The following TIAM2 variants were observed in gnomAD, a reference collection of about 807,000 sequenced individuals.
TIAM2 encodes the protein TIAM Rac1 associated GEF 2.
In TIAM2, 80 loss-of-function variants were observed where a neutral mutation model predicts 152.9. That is an observed-to-expected ratio of 0.52 (90% confidence interval 0.44 to 0.63). TIAM2 has a LOEUF of 0.63. Ranked by LOEUF, TIAM2 falls within the 30% of genes least tolerant of loss-of-function variation. The probability of loss-of-function intolerance (pLI) is 0.00; values close to 1 mark genes in which losing one functional copy is unlikely to be tolerated. For missense variants in TIAM2, 1,965 were observed against 2,120.1 expected (o/e 0.93, Z 1.44); for synonymous variants, 804 against 838.0 (o/e 0.96, Z 0.70).
intron 15 of TIAM2, among the ~76,000 whole-genome samples, chr6:155,220,997 C>T (rs1239072732): frequency 2.0e-5 from 3 of 151,904 alleles, no homozygotes; most frequent in African/African-American, 4.8e-5. Flanking sequence ...CTTCCACTTA[C>T]GAGACATGTG....
chr6:155,220,830 T>C (rs1042828941), intron 15 of TIAM2, among the ~76,000 whole-genome samples: 2 of 152,180 alleles, frequency 1.3e-5, no homozygotes, highest in Admixed American at 1.3e-4. Context: ...GTTTGTTACA[T>C]AGGTATACAT....
chr6:155,194,130 C>G (rs969618072), intron 14 of TIAM2, among the ~76,000 whole-genome samples: 2 of 152,082 alleles, frequency 1.3e-5, no homozygotes, highest in African/African-American at 2.4e-5. Flanking sequence ...TTTGTTAACC[C>G]CTAGGGAATG....
chr6:155,121,900 C>T (rs994363336), intron 2 of TIAM2: 3 of 152,492 alleles, frequency 2.0e-5, no homozygotes, highest in Admixed American at 1.3e-4. Context: ...TCTGCCCACC[C>T]GGAGGGTTTC....
At chr6:155,247,810 T>G (rs530879524) in intron 19 of TIAM2, among the ~76,000 whole-genome samples, 190 bp from the exon 20 acceptor site, 1 of 152,350 alleles carries the variant, frequency 6.6e-6, no homozygotes, top group South Asian at 2.1e-4. Context: ...TCCAGGGCTC[T>G]GTCAGGGCTG....
chr6:155,179,259 A>G, intron 11 of TIAM2, 116 bp downstream of exon 11: 1 of 1,416,186 alleles, frequency 7.1e-7, no homozygotes, highest in Non-Finnish European at 9.9e-7. Context: ...GTTTGGAAAC[A>G]GTCTCTATAT....
At chr6:155,023,122 A>G (rs1006600849) in intron 1 of TIAM2, among the ~76,000 whole-genome samples, 2 of 151,072 alleles carry the variant, frequency 1.3e-5, no homozygotes, top group African/African-American at 4.9e-5. Context: ...TCATTTTGAA[A>G]TCTGCAATCC....
chr6:155,081,354 A>T (rs1778057280), intron 1 of TIAM2, among the ~76,000 whole-genome samples: 1 of 151,364 alleles, frequency 6.6e-6, no homozygotes, highest in African/African-American at 2.4e-5. Context: ...CTTTCAAGGC[A>T]TTGGGAAAGG....
At chr6:155,169,456 A>T (rs1456379656) in intron 9 of TIAM2, among the ~76,000 whole-genome samples, 1 of 152,220 alleles carries the variant, frequency 6.6e-6, no homozygotes, top group Non-Finnish European at 1.5e-5. Flanking sequence ...TCCATTTTAA[A>T]ATTAGTGACA....
chr6:155,254,093 G>T lies in TIAM2; in HGVS notation c.4313+33G>T, dbSNP rs1316042122. ...TGACTTCCAAAGATTAAAACCAACAGAAATAACATAGAATTATGTCTCTTA... is the reference window on the plus strand; with the variant it reads ...TGACTTCCAAAGATTAAAACCAACATAAATAACATAGAATTATGTCTCTTA... On this transcript the variant is annotated intron_variant, in intron 25 of 26. Coordinates refer to ENST00000682666, the MANE Select transcript of TIAM2 (RefSeq NM_012454.4). 2.5e-6 allele frequency: 4 copies of T among 1,588,472 alleles called. No homozygotes were observed. In the Admixed American group the frequency reaches 5.1e-5, roughly 20 times the overall value.
At chr6:155,022,774 T>C (rs550910104) in intron 1 of TIAM2, among the ~76,000 whole-genome samples, 1 of 152,330 alleles carries the variant, frequency 6.6e-6, no homozygotes, top group South Asian at 2.1e-4. Flanking sequence ...CCTTGAGTTA[T>C]GAGAAGTTAA....
Position 155,248,199 on chromosome 6 carries a change from T to A in TIAM2, c.3832+20T>A. The stretch of plus-strand genomic sequence containing the variant: ...TGACGGGTGAGGCGGCGGCGGCACC[T>A]CCGGGCGAGGGCCTGCACAGGGCGG... On this transcript the variant is annotated intron_variant, in intron 20 of 26. Transcript: ENST00000682666. 6.2e-7 allele frequency: 1 copy of A among 1,608,468 alleles called. No individual in the cohort carries two copies. The highest frequency in any genetic ancestry group is 8.5e-7 in the Non-Finnish European group (1 of 1,178,020).
At chr6:155,144,092 G>C (rs950531497) in intron 5 of TIAM2, among the ~76,000 whole-genome samples, 2 of 152,068 alleles carry the variant, frequency 1.3e-5, no homozygotes, top group Non-Finnish European at 2.9e-5. Context: ...GCTCTCCCTC[G>C]TTCCTCTCCA....
At chr6:155,070,844 A>G (rs1777822104) in intron 1 of TIAM2, among the ~76,000 whole-genome samples, 1 of 152,028 alleles carries the variant, frequency 6.6e-6, no homozygotes, top group Admixed American at 6.5e-5. Context: ...GACTGACCCT[A>G]TTGGCTCAGC....
chr6:155,035,745 T>C (rs552579963), intron 1 of TIAM2, among the ~76,000 whole-genome samples: 2 of 152,236 alleles, frequency 1.3e-5, no homozygotes, highest in Admixed American at 1.3e-4. Flanking sequence ...ACTTGTATGT[T>C]AATGAAAACA....
chr6:155,051,705 C>A (rs1272532328), intron 1 of TIAM2, among the ~76,000 whole-genome samples: 1 of 151,948 alleles, frequency 6.6e-6, no homozygotes, highest in African/African-American at 2.4e-5. Context: ...AGTGCAATGG[C>A]ACAACCTTGG....
At chr6:155,142,227 A>G (rs1332140579) in intron 5 of TIAM2, among the ~76,000 whole-genome samples, 2 of 152,238 alleles carry the variant, frequency 1.3e-5, no homozygotes, top group Non-Finnish European at 2.9e-5. Flanking sequence ...TTGATGTCAT[A>G]GAGTTAAGAT....
intron 4 of TIAM2, among the ~76,000 whole-genome samples, chr6:155,134,860 C>T (rs1024328626): frequency 1.3e-5 from 2 of 152,096 alleles, no homozygotes; most frequent in African/African-American, 4.8e-5. Flanking sequence ...CATGTGCCGC[C>T]GCACCTGGCT....
chr6:155,129,605 A>C lies in TIAM2; in HGVS notation c.382A>C (p.Ile128Leu). ...SVGHELADNH[I>L]TSRDCNGHLL... ...TGGCCACGAGCTGGCAGATAACCAC[A>C]TCACCTCCAGAGACTGCAACGGACA... The change falls in exon 4 of 27, where the codon ATC (isoleucine) becomes CTC (leucine). Residue 128 changes from isoleucine (I) to leucine (L), a missense_variant. By Grantham distance (5) the Ile-to-Leu change is conservative. Around this residue, in one of 3 missense-constraint regions of TIAM2, gnomAD observed 1,025 missense variants for 1,119.4 expected, o/e 0.92. Coordinates refer to ENST00000682666, the MANE Select transcript of TIAM2 (RefSeq NM_012454.4). This position sits in a 1 kb window ranked among gnomAD's most constrained non-coding sequence, Gnocchi z 4.8. 1 of 1,614,122 alleles carries C rather than the reference A, an allele frequency of 6.2e-7. No homozygotes were observed. The highest frequency in any genetic ancestry group is 8.5e-7 in the Non-Finnish European group (1 of 1,180,020).
chr6:155,226,997 C>T (rs1442316297), intron 15 of TIAM2, among the ~76,000 whole-genome samples: 3 of 152,306 alleles, frequency 2.0e-5, no homozygotes, highest in East Asian at 3.9e-4. Flanking sequence ...AGTATGTGCT[C>T]GGAGAGTGGG....
Sources: allele counts gnomAD v4.1 joint callset (sites outside exome capture counted in the v4.1 genomes callset), GRCh38; gene constraint gnomAD v4.1.1; regional missense constraint gnomAD v4.1.1; non-coding constraint Gnocchi (gnomAD v3.1); transcripts MANE v1.5; gene names NCBI Gene and HGNC (gene_info 2026-07-23, HGNC 2026-07-21).